ERBB4: variants seen among roughly 807,000 people sequenced by gnomAD.
ERBB4 encodes the protein erb-b2 receptor tyrosine kinase 4.
A neutral mutation model predicts 158.0 loss-of-function variants in ERBB4; 42 were observed. The ratio of observed to expected loss-of-function variants is 0.27; its 90% confidence interval spans 0.21 to 0.34. The LOEUF is 0.34. Among genes scored for constraint, ERBB4 ranks in the 10% least tolerant of loss-of-function variants. The pLI, the probability that ERBB4 is intolerant of heterozygous loss-of-function variation, is 1.00. For synonymous variants in ERBB4, 583 were observed against 558.7 expected (o/e 1.04, Z -0.61); for missense variants, 1,333 against 1,624.1 (o/e 0.82, Z 3.08).
intron 1 of ERBB4, among the ~76,000 whole-genome samples, chr2:212,161,183 T>C (rs991471606): frequency 2.3e-4 from 35 of 151,930 alleles, no homozygotes; most frequent in Non-Finnish European, 5.9e-5. Flanking sequence ...AGCCACACAA[T>C]TGAGATCAGA....
intron 3 of ERBB4, among the ~76,000 whole-genome samples, chr2:211,832,621 C>G (rs951760827): frequency 6.7e-6 from 1 of 148,392 alleles, no homozygotes; most frequent in Non-Finnish European, 1.5e-5. Flanking sequence ...TATATATATA[C>G]ATATATATAC....
intron 1 of ERBB4, among the ~76,000 whole-genome samples, chr2:212,390,024 GTAAAT>G (rs2090807172): frequency 6.6e-6 from 1 of 151,836 alleles, no homozygotes; most frequent in Non-Finnish European, 1.5e-5. Flanking sequence ...TTCAGAGAGA[GTAAAT>G]GATTTTCCTC....
chr2:212,419,584 TATA>T, intron 1 of ERBB4, among the ~76,000 whole-genome samples: 1 of 152,018 alleles, frequency 6.6e-6, no homozygotes, highest in South Asian at 2.1e-4. Context: ...TAATGCATAT[TATA>T]ATATGCCCTG....
intron 1 of ERBB4, among the ~76,000 whole-genome samples, chr2:212,497,489 G>C (rs548572694): frequency 5.9e-5 from 9 of 152,228 alleles, no homozygotes; most frequent in African/African-American, 2.2e-4. Flanking sequence ...AGTGATATAG[G>C]CAATGTGAAT....
chr2:211,627,515 A>G (rs953266571), intron 17 of ERBB4, among the ~76,000 whole-genome samples: 2 of 152,240 alleles, frequency 1.3e-5, no homozygotes, highest in African/African-American at 4.8e-5. Flanking sequence ...GGTAGTTTCC[A>G]GAAACTTTCA....
chr2:211,568,316 G>T (rs1025047637), intron 19 of ERBB4, among the ~76,000 whole-genome samples: 1 of 152,036 alleles, frequency 6.6e-6, no homozygotes, highest in African/African-American at 2.4e-5. Flanking sequence ...AGATTAAAAA[G>T]CTCTGAAGCA....
At chr2:211,644,370 T>A (rs1306185504) in intron 16 of ERBB4, among the ~76,000 whole-genome samples, 1 of 152,074 alleles carries the variant, frequency 6.6e-6, no homozygotes, top group African/African-American at 2.4e-5. Flanking sequence ...GGAAACCCAT[T>A]TTTTTCAAAA....
intron 2 of ERBB4, among the ~76,000 whole-genome samples, chr2:212,027,961 A>G (rs2076813697): frequency 6.6e-6 from 1 of 152,116 alleles, no homozygotes. Flanking sequence ...CATAATCATA[A>G]AAATCTAGGA....
At chr2:211,622,991 ATATATAT>A (rs1469592851) in intron 18 of ERBB4, among the ~76,000 whole-genome samples, 2 of 6,426 alleles carry the variant, frequency 3.1e-4, no homozygotes, top group Non-Finnish European at 5.6e-4. Flanking sequence ...AAAAAAAAAA[ATATATAT>A]ATATATATAT....
At chr2:211,586,003 A>C (rs901346068) in intron 19 of ERBB4, among the ~76,000 whole-genome samples, 1 of 152,206 alleles carries the variant, frequency 6.6e-6, no homozygotes, top group Non-Finnish European at 1.5e-5. Context: ...CCAAAGTTCA[A>C]GAAATTTACA....
intron 1 of ERBB4, among the ~76,000 whole-genome samples, chr2:212,420,588 T>A (rs1199878191): frequency 6.6e-6 from 1 of 152,120 alleles, no homozygotes; most frequent in Admixed American, 6.6e-5. Flanking sequence ...GCTTTTGTCT[T>A]TTCAGAAAAG....
At chr2:211,760,429 C>T (rs2075380668) in intron 4 of ERBB4, among the ~76,000 whole-genome samples, 1 of 152,128 alleles carries the variant, frequency 6.6e-6, no homozygotes, top group Non-Finnish European at 1.5e-5. Context: ...AGTGAATACT[C>T]TTATGGAGAA....
intron 2 of ERBB4, among the ~76,000 whole-genome samples, chr2:211,976,882 G>T (rs2081623813): frequency 6.6e-6 from 1 of 152,140 alleles, no homozygotes; most frequent in African/African-American, 2.4e-5. Flanking sequence ...AGAATAAACA[G>T]ACTGAAGGAG....
At chr2:211,471,351 TG>T (rs1243209285) in intron 20 of ERBB4, among the ~76,000 whole-genome samples, 2 of 152,154 alleles carry the variant, frequency 1.3e-5, no homozygotes, top group African/African-American at 4.8e-5. Context: ...TTTAAATGGT[TG>T]TTTCAGACCC....
chr2:212,133,403 TTTTG>T (rs1487060825), intron 1 of ERBB4, among the ~76,000 whole-genome samples: 1 of 145,266 alleles, frequency 6.9e-6, no homozygotes, highest in African/African-American at 2.6e-5. Context: ...GGTGTTTTTT[TTTTG>T]TTTTGTTTTG....
chr2:211,420,991 T>G (rs1299839819), intron 24 of ERBB4, among the ~76,000 whole-genome samples: 1 of 151,964 alleles, frequency 6.6e-6, no homozygotes, highest in African/African-American at 2.4e-5. Flanking sequence ...CAACGTTTAT[T>G]TGGTTGGTTT....
At chr2:212,163,673 C>G (rs1222912677) in intron 1 of ERBB4, among the ~76,000 whole-genome samples, 1 of 151,980 alleles carries the variant, frequency 6.6e-6, no homozygotes. Context: ...CACTGGAGTT[C>G]TACCATTAAA....
intron 1 of ERBB4, among the ~76,000 whole-genome samples, chr2:212,438,536 GT>G (rs2092186273): frequency 2.0e-5 from 3 of 152,154 alleles, no homozygotes; most frequent in Admixed American, 2.0e-4. Flanking sequence ...CCCTATAAGT[GT>G]TTGTGAATGA....
At chr2:211,424,374 G>T (rs2063580345) in intron 22 of ERBB4, 73 bp from the exon 23 acceptor site, 1 of 1,020,130 alleles carries the variant, frequency 9.8e-7, no homozygotes, top group Non-Finnish European at 1.5e-6. Flanking sequence ...TATACCAGTA[G>T]TAAAAGAATA....
Sources: gnomAD v4.1 joint callset for allele counts (sites outside exome capture counted in the v4.1 genomes callset) on GRCh38, gnomAD v4.1.1 for gene constraint, MANE v1.5 for transcripts, NCBI Gene and HGNC (gene_info 2026-07-23, HGNC 2026-07-21) for gene names.